The following CDON variants were observed in gnomAD, a reference collection of about 807,000 sequenced individuals.
CDON encodes cell adhesion associated, oncogene regulated, also known as cell adhesion molecule-related/down-regulated by oncogenes.
Under a neutral mutation model 120.9 loss-of-function variants are expected in CDON, and 73 were observed. The observed-to-expected ratio is 0.60, with a 90% CI of 0.50 to 0.73. CDON has a LOEUF of 0.73. Ranked by LOEUF, CDON falls within the 30% of genes least tolerant of loss-of-function variation. CDON has a pLI of 0.00. For synonymous variants in CDON, 566 were observed against 573.5 expected, an observed-to-expected ratio of 0.99 and a Z score of 0.19; for missense variants, 1,470 against 1,587.3, an observed-to-expected ratio of 0.93 and a Z score of 1.26.
chr11:126,036,037 A>G (rs1948086519), intron 1 of CDON, among the ~76,000 whole-genome samples: 1 of 152,230 alleles, frequency 6.6e-6, no homozygotes, highest in South Asian at 2.1e-4. Flanking sequence ...CTGATACAGA[A>G]AAGGTACATA....
At chr11:126,053,214 G>A (rs570085123) in intron 1 of CDON, among the ~76,000 whole-genome samples, 24 of 152,138 alleles carry the variant, frequency 1.6e-4, no homozygotes, top group African/African-American at 3.4e-4. Context: ...TTAAAAAGGC[G>A]ATCACACAGT....
intron 12 of CDON, among the ~76,000 whole-genome samples, chr11:125,995,809 T>C (rs1946763157): frequency 6.6e-6 from 1 of 152,230 alleles, no homozygotes; most frequent in Non-Finnish European, 1.5e-5. Flanking sequence ...TATACCTACA[T>C]GATCCTATGC....
At position 126,004,001 on chromosome 11, in the gene CDON, C is replaced by A. The variant is rs764945874; in HGVS notation, c.1927G>T (p.Ala643Ser). 5.0e-6 allele frequency: 8 copies of A among 1,613,862 alleles called. No homozygotes were observed. Among genetic ancestry groups the A allele is most frequent in the Non-Finnish European group, 6.8e-6 (8 of 1,179,960 alleles). Residue 643 changes from alanine (A) to serine (S), a missense_variant, in exon 10 of 20, where the codon GCT becomes TCT. Ala to Ser is a moderately conservative substitution (Grantham distance 99). Transcript: ENST00000531738. ...VPGSENELHLAELEPSSLYEV... is the reference protein window; with the variant it reads ...VPGSENELHLSELEPSSLYEV... Reference sequence around the variant, plus strand: ...TAAAGACTAGATGGCTCCAGCTCAGCTAAATGGAGCTCATTTTCACTTCCT... The same window carrying A: ...TAAAGACTAGATGGCTCCAGCTCAGATAAATGGAGCTCATTTTCACTTCCT...
In CDON at chr11:125,981,168, C is replaced by A; in HGVS notation, c.3157G>T (p.Val1053Phe). 1 of 1,614,094 alleles carries A rather than the reference C, an allele frequency of 6.2e-7. No homozygotes were observed. Among genetic ancestry groups the A allele is most frequent in the South Asian group, 1.1e-5 (1 of 91,064 alleles). Reference protein sequence around the residue: ...SSGYSHLHHKVPNAVNGIVNG... With the variant: ...SSGYSHLHHKFPNAVNGIVNG... ...ACAATTCCATTGACTGCATTGGGGACCTTATGGTGAAGGTGGGAATAGCCA... is the reference window on the plus strand; with the variant it reads ...ACAATTCCATTGACTGCATTGGGGAACTTATGGTGAAGGTGGGAATAGCCA... Residue 1053 changes from valine to phenylalanine, a missense_variant, in exon 17 of 20, where the codon GTC becomes TTC. Val to Phe is a conservative substitution (Grantham distance 50). Transcript: ENST00000531738.
At position 125,961,802 on chromosome 11, in the gene CDON, T is replaced by A. The variant is rs1945652362; in HGVS notation, c.3553A>T (p.Thr1185Ser). 1 of 1,614,132 alleles carries A rather than the reference T, an allele frequency of 6.2e-7. No homozygotes were observed. The highest frequency in any genetic ancestry group is 8.5e-7 in the Non-Finnish European group (1 of 1,180,004). ...SVKDNVEPVP[T>S]QRTCCQDIVN... Reference sequence around the variant, plus strand: ...ATGTCCTGACAGCAGGTACGCTGAGTAGGGACTGGTTCCACATTGTCCTTG... The same window carrying A: ...ATGTCCTGACAGCAGGTACGCTGAGAAGGGACTGGTTCCACATTGTCCTTG... Residue 1185 changes from threonine to serine, a missense_variant, in exon 19 of 20, where the codon ACT becomes TCT. Transcript: ENST00000531738.
At position 126,021,376 on chromosome 11, in the gene CDON, T is replaced by G. The variant is rs771079195; in HGVS notation, c.221A>C (p.His74Pro). 6.2e-7 allele frequency: 1 copy of G among 1,614,010 alleles called. No individual in the cohort carries two copies. The highest frequency in any genetic ancestry group is 8.5e-7 in the Non-Finnish European group (1 of 1,180,012). ...NGKTLDGNLE[H>P]VKIHQGTLTI... is the part of the protein sequence containing the mutation. ...CAGAGTCCCCTGATGAATCTTAACA[T>G]GTTCCAGGTTTCCATCCAATGTTTT... The change falls in exon 3 of 20, where the codon CAT becomes CCT. Residue 74 changes from histidine to proline, a missense_variant. His to Pro is a moderately conservative substitution (Grantham distance 77). Coordinates refer to ENST00000531738, the MANE Select transcript of CDON (RefSeq NM_001378964.1).
chr11:125,977,859 TAG>T (rs1166633095), intron 18 of CDON, among the ~76,000 whole-genome samples: 1 of 151,858 alleles, frequency 6.6e-6, no homozygotes, highest in Non-Finnish European at 1.5e-5. Context: ...GATAATCTGG[TAG>T]GAAAATTTCA....
At chr11:126,021,595 A>C in intron 2 of CDON, 75 bp from the exon 3 acceptor site, 2 of 1,251,436 alleles carry the variant, frequency 1.6e-6, no homozygotes, top group Non-Finnish European at 2.3e-6. Flanking sequence ...TACATTAAAC[A>C]CATTTCATCT....
chr11:125,973,945 G>T (rs189216031), intron 18 of CDON, among the ~76,000 whole-genome samples: 1 of 151,764 alleles, frequency 6.6e-6, no homozygotes, highest in East Asian at 2.0e-4. Flanking sequence ...GCCCAGCCTG[G>T]AGTGCAGTGG....
intron 1 of CDON, among the ~76,000 whole-genome samples, chr11:126,057,631 T>C (rs1948711264): frequency 1.3e-5 from 2 of 152,224 alleles, no homozygotes; most frequent in Admixed American, 1.3e-4. Flanking sequence ...ACCACAGACA[T>C]GTGCATATGT....
intron 1 of CDON, among the ~76,000 whole-genome samples, chr11:126,041,131 G>T (rs1948251256): frequency 6.6e-6 from 1 of 150,796 alleles, no homozygotes; most frequent in Admixed American, 6.6e-5. Context: ...AGAGGAGGTT[G>T]CAGTGTGCCG....
At chr11:125,966,205 G>A (rs1344868280) in intron 18 of CDON, among the ~76,000 whole-genome samples, 1 of 150,610 alleles carries the variant, frequency 6.6e-6, no homozygotes, top group Non-Finnish European at 1.5e-5. Context: ...AGAAAAACAA[G>A]TGATGCAGAT....
rs1392014055 is a variant in CDON at position 125,957,919 on chromosome 11, A to C, written c.*3023T>G. 6.6e-6 allele frequency: 1 copy of C among 152,254 alleles called. No homozygotes were observed. The highest frequency in any genetic ancestry group is 2.4e-5 in the African/African-American group (1 of 41,452). 9.4% of individuals were successfully genotyped at this position (152,254 alleles called of 1,614,324 possible). ...AGTGGGAGCGGGGCAGTTTATGCTA[A>C]AACAATCACACAGAATTCTAGATGA... On this transcript the variant is annotated 3_prime_UTR_variant, in exon 20 of 20. Coordinates refer to ENST00000531738, the MANE Select transcript of CDON (RefSeq NM_001378964.1).
chr11:125,978,307 T>G lies in CDON; in HGVS notation c.3353A>C (p.Asn1118Thr), dbSNP rs1441258356. 1 of 1,580,450 alleles carries G rather than the reference T, an allele frequency of 6.3e-7. No individual in the cohort carries two copies. The highest frequency in any genetic ancestry group is 1.1e-5 in the South Asian group (1 of 88,700). ...TGCAGACACATTATTAACATACCTATTGTTGTTTCGACAATTTCGGCAGTT... is the reference window on the plus strand; with the variant it reads ...TGCAGACACATTATTAACATACCTAGTGTTGTTTCGACAATTTCGGCAGTT... Reference protein sequence around the residue: ...CVNCRNCRNNNRCFTKTNSTF... With the variant: ...CVNCRNCRNNTRCFTKTNSTF... Residue 1118 changes from asparagine to threonine, a missense_variant, in exon 18 of 20, where the codon AAT becomes ACT. Coordinates refer to ENST00000531738, the MANE Select transcript of CDON (RefSeq NM_001378964.1).
At chr11:125,965,732 A>C (rs181802109) in intron 18 of CDON, among the ~76,000 whole-genome samples, 1 of 152,334 alleles carries the variant, frequency 6.6e-6, no homozygotes, top group East Asian at 1.9e-4. Context: ...AGAATGACTT[A>C]AAGTGATCTG....
At position 126,050,921 on chromosome 11, in the gene CDON, A is replaced by G. The variant is rs1948542950; in HGVS notation, c.-62+11658T>C. Among the ~76,000 whole-genome samples the G allele has an allele frequency of 2.0e-5, 3 of 152,322 alleles. No individual in the cohort carries two copies. The South Asian group carries it at 6.2e-4, about 32-fold the overall frequency. On this transcript the variant is annotated intron_variant, in intron 1 of 19. Transcript: ENST00000531738. Reference sequence around the variant, plus strand: ...TTGCCCAAGTACACATGCAGCATACATTCACTCTAGGTGAATCGGAAAAAG... The same window carrying G: ...TTGCCCAAGTACACATGCAGCATACGTTCACTCTAGGTGAATCGGAAAAAG...
chr11:126,054,519 G>A (rs771017902), intron 1 of CDON, among the ~76,000 whole-genome samples: 24 of 152,108 alleles, frequency 1.6e-4, no homozygotes, highest in Non-Finnish European at 3.1e-4. Flanking sequence ...CTGAACTTGA[G>A]AGTCATTGAT....
intron 1 of CDON, among the ~76,000 whole-genome samples, chr11:126,025,098 G>C (rs776333366): frequency 6.6e-6 from 1 of 152,074 alleles, no homozygotes; most frequent in African/African-American, 2.4e-5. Context: ...CCAGCTACTC[G>C]GGAGGCTGAG....
chr11:126,000,393 A>G (rs1403391368), intron 11 of CDON, among the ~76,000 whole-genome samples: 1 of 150,524 alleles, frequency 6.6e-6, no homozygotes, highest in African/African-American at 2.4e-5. Context: ...TTTTTTGTAG[A>G]TACTGGGTCT....
Sources: allele counts gnomAD v4.1 joint callset (sites outside exome capture counted in the v4.1 genomes callset), GRCh38; gene constraint gnomAD v4.1.1; transcripts MANE v1.5; gene names NCBI Gene and HGNC (gene_info 2026-07-23, HGNC 2026-07-21).